The following FBXW7 variants were observed in gnomAD, a reference collection of about 807,000 sequenced individuals.
FBXW7 encodes F-box/WD repeat-containing protein 7.
A neutral mutation model predicts 86.3 loss-of-function variants in FBXW7; 11 were observed. The ratio of observed to expected loss-of-function variants is 0.13; its 90% CI spans 0.08 to 0.21. The LOEUF (loss-of-function observed/expected upper bound fraction) is 0.21. Ranked by LOEUF, FBXW7 falls within the 10% of genes least tolerant of loss-of-function variation. FBXW7 has a pLI of 1.00. For missense variants in FBXW7, 488 were observed against 847.4 expected (o/e 0.58, Z 5.27); for synonymous variants, 313 against 297.9 (o/e 1.05, Z -0.52).
intron 4 of FBXW7, among the ~76,000 whole-genome samples, chr4:152,371,424 AT>A (rs1445760614): frequency 1.3e-5 from 2 of 152,000 alleles, no homozygotes; most frequent in Non-Finnish European, 2.9e-5. Context: ...ATGGAATCCT[AT>A]TTATCATTTC....
intron 4 of FBXW7, chr4:152,352,363 C>T: frequency 1.4e-6 from 2 of 1,391,500 alleles, no homozygotes; most frequent in South Asian, 1.4e-5. Context: ...TCCAGCCACC[C>T]ACCAAAATTA....
At chr4:152,493,953 A>G (rs1270439204) in intron 2 of FBXW7, among the ~76,000 whole-genome samples, 1 of 152,220 alleles carries the variant, frequency 6.6e-6, no homozygotes, top group African/African-American at 2.4e-5. Context: ...TGGAATGAAT[A>G]AACTAAACAG....
intron 2 of FBXW7, among the ~76,000 whole-genome samples, chr4:152,462,116 G>C (rs1010733325): frequency 1.3e-5 from 2 of 152,092 alleles, no homozygotes; most frequent in Non-Finnish European, 2.9e-5. Context: ...CTGATGCCCA[G>C]GGCATCCCCT....
chr4:152,523,202 C>T (rs1749179082), intron 2 of FBXW7, among the ~76,000 whole-genome samples: 1 of 152,090 alleles, frequency 6.6e-6, no homozygotes, highest in East Asian at 1.9e-4. Context: ...GGTCTCACAA[C>T]ATCCCTGGGT....
intron 2 of FBXW7, among the ~76,000 whole-genome samples, chr4:152,479,991 T>C (rs1744736868): frequency 6.6e-6 from 1 of 152,188 alleles, no homozygotes; most frequent in South Asian, 2.1e-4. Flanking sequence ...GGGCCTTCCT[T>C]TTCTTCTTAT....
chr4:152,357,035 A>G (rs1241935941), intron 4 of FBXW7, among the ~76,000 whole-genome samples: 1 of 152,220 alleles, frequency 6.6e-6, no homozygotes, highest in East Asian at 1.9e-4. Flanking sequence ...TACTGAAATT[A>G]GTTCTAAAAA....
chr4:152,525,715 AGATT>A (rs1224199104), intron 2 of FBXW7, among the ~76,000 whole-genome samples: 5 of 152,170 alleles, frequency 3.3e-5, no homozygotes, highest in South Asian at 4.1e-4. Context: ...ATGGGCATTT[AGATT>A]GATTCCACAT....
intron 2 of FBXW7, among the ~76,000 whole-genome samples, chr4:152,496,673 GAAAA>G (rs956033705): frequency 6.6e-6 from 1 of 151,400 alleles, no homozygotes; most frequent in Non-Finnish European, 1.5e-5. Flanking sequence ...AAAAGAAAAA[GAAAA>G]AAGAAAAAAA....
chr4:152,484,617 A>C (rs1373842449), intron 2 of FBXW7, among the ~76,000 whole-genome samples: 1 of 152,202 alleles, frequency 6.6e-6, no homozygotes, highest in Non-Finnish European at 1.5e-5. Flanking sequence ...TAATTTTTTA[A>C]ATTATTAAAT....
At chr4:152,534,358 T>C (rs1407200977) in intron 2 of FBXW7, among the ~76,000 whole-genome samples, 1 of 152,090 alleles carries the variant, frequency 6.6e-6, no homozygotes, top group East Asian at 1.9e-4. Context: ...TCCTAACAAC[T>C]CAAGTTCCTG....
At chr4:152,340,046 C>A (rs148983108) in intron 6 of FBXW7, among the ~76,000 whole-genome samples, 69 of 151,504 alleles carry the variant, frequency 4.6e-4, no homozygotes, top group Admixed American at 2.2e-3. Context: ...CTAATTCAGA[C>A]CTAAGCTAAA....
In FBXW7 at chr4:152,353,615, C is replaced by T. The variant is rs35496021; in HGVS notation, c.502-3491G>A. Among the ~76,000 whole-genome samples the T allele has an allele frequency of 5.1e-4, 77 of 152,262 alleles. 1 individual carries two copies. Among genetic ancestry groups the T allele is most frequent in the African/African-American group, 1.7e-3 (69 of 41,560 alleles). On this transcript the variant is annotated intron_variant, in intron 4 of 13. Coordinates refer to ENST00000281708, the MANE Select transcript of FBXW7 (RefSeq NM_001349798.2). ...GGCTGGAGAGGCTTACTTTTATTTGCTAATTTAATCTGGAGTAAACAGGAG... is the reference window on the plus strand; with the variant it reads ...GGCTGGAGAGGCTTACTTTTATTTGTTAATTTAATCTGGAGTAAACAGGAG...
At chr4:152,498,371 G>A (rs1163510127) in intron 2 of FBXW7, among the ~76,000 whole-genome samples, 5 of 152,108 alleles carry the variant, frequency 3.3e-5, no homozygotes, top group Admixed American at 3.3e-4. Flanking sequence ...ACTACTGAGA[G>A]GCAAGTCTCA....
chr4:152,436,945 C>A (rs192272933), intron 2 of FBXW7, among the ~76,000 whole-genome samples: 19 of 152,288 alleles, frequency 1.2e-4, no homozygotes, highest in Admixed American at 1.2e-3. Flanking sequence ...TGGAGATGTA[C>A]ATGGAGATTC....
chr4:152,459,549 GC>G (rs1742745894), intron 2 of FBXW7, among the ~76,000 whole-genome samples: 1 of 152,148 alleles, frequency 6.6e-6, no homozygotes, highest in Non-Finnish European at 1.5e-5. Flanking sequence ...CAGGCAGACT[GC>G]CCTTATATTC....
chr4:152,359,939 T>G (rs1435193139), intron 4 of FBXW7, among the ~76,000 whole-genome samples: 2 of 152,056 alleles, frequency 1.3e-5, no homozygotes, highest in East Asian at 3.9e-4. Flanking sequence ...GTTTGATAAG[T>G]GTTGAGAGGG....
intron 2 of FBXW7, among the ~76,000 whole-genome samples, chr4:152,454,262 C>G (rs78663421): frequency 8.8e-6 from 1 of 113,720 alleles, no homozygotes; most frequent in Non-Finnish European, 1.8e-5. Flanking sequence ...CCCCCCCCCC[C>G]TTTTTTTTTT....
At chr4:152,517,093 G>A (rs957727074) in intron 2 of FBXW7, among the ~76,000 whole-genome samples, 5 of 152,206 alleles carry the variant, frequency 3.3e-5, no homozygotes, top group Admixed American at 1.3e-4. Context: ...AAAGTGCTAG[G>A]ATTATACGCA....
intron 4 of FBXW7, among the ~76,000 whole-genome samples, chr4:152,375,983 T>A (rs1734474542): frequency 6.6e-6 from 1 of 152,092 alleles, no homozygotes; most frequent in African/African-American, 2.4e-5. Context: ...GATTATATAC[T>A]TTTGAATACC....
Sources: allele counts gnomAD v4.1 joint callset (sites outside exome capture counted in the v4.1 genomes callset), GRCh38; gene constraint gnomAD v4.1.1; transcripts MANE v1.5; gene names NCBI Gene and HGNC (gene_info 2026-07-23, HGNC 2026-07-21).